The following RYR2 variants were observed in gnomAD, a reference collection of about 807,000 sequenced individuals.
RYR2 encodes the protein cardiac muscle ryanodine receptor-calcium release channel.
In RYR2, 227 loss-of-function variants were observed where a neutral mutation model predicts 601.1. The ratio of observed to expected loss-of-function variants is 0.38; its 90% CI spans 0.34 to 0.42. The LOEUF (loss-of-function observed/expected upper bound fraction) is 0.42, where lower values mean the gene tolerates loss of function less well. Ranked by LOEUF, RYR2 falls within the 10% of genes least tolerant of loss-of-function variation. The probability of loss-of-function intolerance (pLI) is 1.00; values close to 1 mark genes in which losing one functional copy is unlikely to be tolerated. For synonymous variants in RYR2, 2,223 were observed against 2,175.1 expected, an observed-to-expected ratio of 1.02 and a Z score of -0.61; for missense variants, 4,646 against 6,156.5, an observed-to-expected ratio of 0.75 and a Z score of 8.21.
chr1:237,316,325 C>G (rs2149509800), intron 2 of RYR2, among the ~76,000 whole-genome samples: 1 of 152,190 alleles, frequency 6.6e-6, no homozygotes, highest in East Asian at 1.9e-4. Flanking sequence ...TTTATACTTC[C>G]ATTTGCAGTA....
At chr1:237,560,520 AT>A (rs1420465658) in intron 27 of RYR2, among the ~76,000 whole-genome samples, 4 of 152,174 alleles carry the variant, frequency 2.6e-5, no homozygotes, top group African/African-American at 9.6e-5. Context: ...TTTCACTATG[AT>A]TGAGGGTCCT....
At chr1:237,427,310 G>A (rs889018630) in intron 12 of RYR2, among the ~76,000 whole-genome samples, 4 of 152,104 alleles carry the variant, frequency 2.6e-5, no homozygotes, top group African/African-American at 9.7e-5. Flanking sequence ...ATGACACAGT[G>A]AAAACCTAAA....
intron 96 of RYR2, among the ~76,000 whole-genome samples, chr1:237,795,934 A>C (rs2149396590): frequency 6.3e-5 from 2 of 31,596 alleles, no homozygotes; most frequent in African/African-American, 1.1e-4. Context: ...ATGTGTGTAC[A>C]TATGTATGTG....
chr1:237,282,786 A>G (rs1691029196), intron 2 of RYR2, among the ~76,000 whole-genome samples: 1 of 152,174 alleles, frequency 6.6e-6, no homozygotes, highest in African/African-American at 2.4e-5. Flanking sequence ...AGCTCAATAG[A>G]GTGTGATATA....
At chr1:237,591,028 G>A in intron 31 of RYR2, 36 bp downstream of exon 31, 1 of 1,566,954 alleles carries the variant, frequency 6.4e-7, no homozygotes, top group Non-Finnish European at 8.7e-7. Context: ...TAAATTTGTA[G>A]TTATGTGAGG....
chr1:237,654,161 T>G (rs758043353), intron 51 of RYR2, 113 bp from the exon 52 acceptor site: 136 of 1,312,372 alleles, frequency 1.0e-4, no homozygotes, highest in Admixed American at 2.2e-4. Flanking sequence ...ATTGGGCAAT[T>G]TCACTTCAGA....
At chr1:237,731,974 T>G in intron 77 of RYR2, 72 bp from the exon 78 acceptor site, 1 of 921,364 alleles carries the variant, frequency 1.1e-6, no homozygotes, top group Non-Finnish European at 1.7e-6. Context: ...ATTGCTGTCC[T>G]TCACAGTGCT....
intron 1 of RYR2, among the ~76,000 whole-genome samples, chr1:237,189,622 G>A (rs944527848): frequency 1.3e-5 from 2 of 152,164 alleles, no homozygotes; most frequent in Non-Finnish European, 2.9e-5. Flanking sequence ...AAGACACAAC[G>A]TAAAGGTGGC....
chr1:237,128,067 C>G (rs969204584), intron 1 of RYR2, among the ~76,000 whole-genome samples: 72 of 152,334 alleles, frequency 4.7e-4, no homozygotes, highest in African/African-American at 1.7e-3. Context: ...GAGCCGAGAT[C>G]ACGCCACTGC....
At chr1:237,634,658 A>C (rs1680684782) in intron 43 of RYR2, among the ~76,000 whole-genome samples, 1 of 152,234 alleles carries the variant, frequency 6.6e-6, no homozygotes, top group African/African-American at 2.4e-5. Flanking sequence ...TAACTAGCTC[A>C]ATTGAGTCAT....
intron 1 of RYR2, among the ~76,000 whole-genome samples, chr1:237,133,127 G>A (rs1254664970): frequency 6.6e-6 from 1 of 152,154 alleles, no homozygotes; most frequent in African/African-American, 2.4e-5. Flanking sequence ...ATTAGGAATT[G>A]TAGGGTTCAG....
intron 1 of RYR2, among the ~76,000 whole-genome samples, chr1:237,103,311 C>A (rs116641016): frequency 2.0e-5 from 3 of 152,240 alleles, no homozygotes; most frequent in African/African-American, 7.2e-5. Flanking sequence ...TCACCTACAA[C>A]GGAAGCTGAA....
At chr1:237,089,694 A>G (rs1455553725) in intron 1 of RYR2, among the ~76,000 whole-genome samples, 1 of 152,276 alleles carries the variant, frequency 6.6e-6, no homozygotes, top group Non-Finnish European at 1.5e-5. Context: ...TTAGAAAAAT[A>G]AGTCATGTTC....
rs1466772059 is a variant in RYR2, at chr1:237,518,647, A to G, written c.2822+6856A>G. ...TATGTATATATGCCACATTTTCTTT[A>G]TCCATTCATCCATTGATGGACACTT... On this transcript the variant is annotated intron_variant, in intron 24 of 104. Coordinates refer to ENST00000366574, the MANE Select transcript of RYR2 (RefSeq NM_001035.3). Among the ~76,000 whole-genome samples the G allele has an allele frequency of 2.6e-5, 4 of 152,276 alleles. No individual in the cohort carries two copies. In the East Asian group the frequency reaches 7.7e-4, roughly 29 times the overall value.
intron 66 of RYR2, among the ~76,000 whole-genome samples, chr1:237,704,237 G>A (rs1192395470): frequency 6.6e-6 from 1 of 152,110 alleles, no homozygotes; most frequent in African/African-American, 2.4e-5. Flanking sequence ...GGAAAGTAGA[G>A]AATGTCTAGA....
intron 4 of RYR2, among the ~76,000 whole-genome samples, chr1:237,361,811 A>C (rs1322030669): frequency 6.6e-6 from 1 of 152,212 alleles, no homozygotes; most frequent in Admixed American, 6.5e-5. Flanking sequence ...TCTTTGCACC[A>C]AGAACAGATT....
At chr1:237,388,255 T>TC (rs1324699056) in intron 10 of RYR2, 72 bp downstream of exon 10, 110 of 1,252,200 alleles carry the variant, frequency 8.8e-5, no homozygotes, top group Non-Finnish European at 1.2e-4. Context: ...AAACTAGGGA[T>TC]CTATTCATTC....
chr1:237,481,381 A>G (rs1662073251), intron 17 of RYR2, among the ~76,000 whole-genome samples: 1 of 152,192 alleles, frequency 6.6e-6, no homozygotes, highest in African/African-American at 2.4e-5. Context: ...TAAACAAACA[A>G]AAACATTTTT....
intron 5 of RYR2, among the ~76,000 whole-genome samples, chr1:237,366,261 C>T (rs1398699909): frequency 6.6e-6 from 1 of 152,206 alleles, no homozygotes; most frequent in African/African-American, 2.4e-5. Flanking sequence ...CATGAAGACA[C>T]CATCCCAAGT....
Sources: gnomAD v4.1 joint callset for allele counts (sites outside exome capture counted in the v4.1 genomes callset) on GRCh38, gnomAD v4.1.1 for gene constraint, MANE v1.5 for transcripts, NCBI Gene and HGNC (gene_info 2026-07-23, HGNC 2026-07-21) for gene names.